Variants in DGKB observed in about 807,000 individuals in gnomAD.
DGKB encodes diacylglycerol kinase beta, also known as 90 kDa diacylglycerol kinase.
A neutral mutation model predicts 114.3 loss-of-function variants in DGKB; 67 were observed. The ratio of observed to expected loss-of-function variants is 0.59; its 90% CI spans 0.48 to 0.72. The LOEUF (loss-of-function observed/expected upper bound fraction) is 0.72, where lower values mean the gene tolerates loss of function less well. Ranked by LOEUF, DGKB falls within the 30% of genes least tolerant of loss-of-function variation. The pLI is 0.00. For synonymous variants in DGKB, 398 were observed against 323.1 expected (o/e 1.23, Z -2.49); for missense variants, 907 against 975.2 (o/e 0.93, Z 0.93).
intron 10 of DGKB, among the ~76,000 whole-genome samples, chr7:14,684,487 C>T (rs1821346872): frequency 6.6e-6 from 1 of 152,050 alleles, no homozygotes; most frequent in African/African-American, 2.4e-5. Flanking sequence ...TTTATCAGGA[C>T]TATCATGGAT....
intron 1 of DGKB, among the ~76,000 whole-genome samples, chr7:14,886,491 C>G (rs1190081690): frequency 2.0e-5 from 3 of 151,882 alleles, no homozygotes; most frequent in Non-Finnish European, 4.4e-5. Context: ...TCAAATGGTA[C>G]AAGGCACTGG....
chr7:14,416,789 G>A (rs774683309), intron 21 of DGKB, among the ~76,000 whole-genome samples: 9 of 151,988 alleles, frequency 5.9e-5, no homozygotes, highest in Non-Finnish European at 7.4e-5. Context: ...GTGTGAAAAC[G>A]GACTAATACA....
At chr7:14,771,937 T>A (rs1214593777) in intron 2 of DGKB, among the ~76,000 whole-genome samples, 1 of 152,092 alleles carries the variant, frequency 6.6e-6, no homozygotes, top group African/African-American at 2.4e-5. Context: ...TAATACTTGA[T>A]CTCCACAATT....
chr7:14,394,228 C>T (rs902859546), intron 21 of DGKB, among the ~76,000 whole-genome samples: 14 of 152,222 alleles, frequency 9.2e-5, no homozygotes, highest in Non-Finnish European at 2.1e-4. Context: ...ATTTCTAAAT[C>T]AAATTTATCT....
intron 23 of DGKB, among the ~76,000 whole-genome samples, chr7:14,320,286 G>A (rs1807503729): frequency 6.6e-6 from 1 of 152,048 alleles, no homozygotes; most frequent in Admixed American, 6.6e-5. Flanking sequence ...CTTATGACTT[G>A]GTTGGTCTAA....
intron 21 of DGKB, among the ~76,000 whole-genome samples, chr7:14,440,021 A>C (rs1246913547): frequency 6.6e-6 from 1 of 152,108 alleles, no homozygotes; most frequent in African/African-American, 2.4e-5. Context: ...ACAAAAAACA[A>C]AAGAAACTGT....
chr7:14,477,603 T>C lies in DGKB; in HGVS notation c.1835+558A>G, dbSNP rs137963288. Among the ~76,000 whole-genome samples, 496 of 152,318 alleles carry C rather than the reference T, an allele frequency of 3.3e-3. 3 individuals are homozygous for C. The highest frequency in any genetic ancestry group is 0.012 in the African/African-American group (481 of 41,560). On this transcript the variant is annotated intron_variant, in intron 21 of 25. Coordinates refer to ENST00000402815, the MANE Select transcript of DGKB (RefSeq NM_001350709.2). ...ACTGTGAAGGTCAATGTCTACATTT[T>C]TGAAGAAAAAATGTTTGCCTATTGC...
intron 21 of DGKB, among the ~76,000 whole-genome samples, chr7:14,391,444 G>A (rs1821284032): frequency 6.6e-6 from 1 of 151,864 alleles, no homozygotes; most frequent in African/African-American, 2.4e-5. Flanking sequence ...GATTTTGAGA[G>A]GCTGAGGCAG....
intron 25 of DGKB, among the ~76,000 whole-genome samples, chr7:14,172,509 GT>G (rs1455371875): frequency 1.3e-5 from 2 of 152,096 alleles, no homozygotes; most frequent in Non-Finnish European, 2.9e-5. Flanking sequence ...GGATTTGAGG[GT>G]ATATAGAGAA....
At chr7:14,768,487 C>T (rs1012259543) in intron 2 of DGKB, among the ~76,000 whole-genome samples, 4 of 146,436 alleles carry the variant, frequency 2.7e-5, no homozygotes, top group African/African-American at 1.1e-4. Flanking sequence ...AACTTGCAGC[C>T]CCACATCTCC....
intron 15 of DGKB, chr7:14,621,166 T>A (rs925687783): frequency 2.3e-6 from 1 of 442,278 alleles, no homozygotes; most frequent in South Asian, 3.6e-5. Context: ...TAAATGGAGA[T>A]AAAATCATAA....
chr7:14,434,395 T>G (rs546870151), intron 21 of DGKB, among the ~76,000 whole-genome samples: 5 of 152,164 alleles, frequency 3.3e-5, no homozygotes, highest in African/African-American at 1.2e-4. Context: ...CCAAATGTAA[T>G]CACAAGGGTC....
chr7:14,900,613 T>C lies in DGKB; in HGVS notation c.-188+1979A>G, dbSNP rs531579641. Among the ~76,000 whole-genome samples the C allele has an allele frequency of 3.3e-5, 5 of 152,310 alleles. No individual in the cohort carries two copies. In the East Asian group the frequency reaches 7.7e-4, roughly 24 times the overall value. The stretch of plus-strand genomic sequence containing the variant: ...GCAAGAAAAAGCATCAGTCATAGGA[T>C]ACTAGTTCAGACACTATCCCAGCAA... On this transcript the variant is annotated intron_variant, in intron 1 of 25. Coordinates refer to ENST00000402815, the MANE Select transcript of DGKB (RefSeq NM_001350709.2).
intron 23 of DGKB, among the ~76,000 whole-genome samples, chr7:14,271,720 C>G (rs904204626): frequency 1.3e-5 from 2 of 152,082 alleles, no homozygotes; most frequent in South Asian, 4.1e-4. Flanking sequence ...CTTAAATGCC[C>G]CAAACACAAA....
At chr7:14,356,136 T>A (rs1028502926) in intron 21 of DGKB, among the ~76,000 whole-genome samples, 3 of 152,258 alleles carry the variant, frequency 2.0e-5, no homozygotes, top group South Asian at 2.1e-4. Context: ...CTCTTTATCA[T>A]TTTTTATTGC....
chr7:14,674,729 C>T (rs970586821), intron 12 of DGKB, among the ~76,000 whole-genome samples: 5 of 152,058 alleles, frequency 3.3e-5, no homozygotes, highest in Non-Finnish European at 7.4e-5. Flanking sequence ...AGAAGTCCCT[C>T]TGATAACATA....
chr7:14,275,872 T>C (rs1450032120), intron 23 of DGKB, among the ~76,000 whole-genome samples: 1 of 152,202 alleles, frequency 6.6e-6, no homozygotes, highest in Non-Finnish European at 1.5e-5. Context: ...GAATAAGCTG[T>C]CATTTAGTCC....
chr7:14,836,661 G>A (rs766493489), intron 2 of DGKB, among the ~76,000 whole-genome samples: 1 of 152,182 alleles, frequency 6.6e-6, no homozygotes, highest in Non-Finnish European at 1.5e-5. Context: ...TATCAAGAGT[G>A]AGGAAGAAAA....
chr7:14,562,630 G>T, intron 20 of DGKB, among the ~76,000 whole-genome samples: 1 of 152,164 alleles, frequency 6.6e-6, no homozygotes, highest in East Asian at 1.9e-4. Flanking sequence ...GAACTCGAAG[G>T]TTTAATGACT....
Sources: gnomAD v4.1 joint callset for allele counts (sites outside exome capture counted in the v4.1 genomes callset) on GRCh38, gnomAD v4.1.1 for gene constraint, MANE v1.5 for transcripts, NCBI Gene and HGNC (gene_info 2026-07-23, HGNC 2026-07-21) for gene names.